Variants in HBS1L observed in about 807,000 individuals in gnomAD.
The protein encoded by HBS1L is HBS1 like translational GTPase, also known as HBS1-like protein.
In HBS1L, 55 loss-of-function variants were observed where a neutral mutation model predicts 88.9. That is an observed-to-expected ratio of 0.62 (90% CI 0.50 to 0.77). The LOEUF is 0.77. Ranked by LOEUF, HBS1L falls within the 30% of genes least tolerant of loss-of-function variation. HBS1L has a pLI of 0.00. For missense variants in HBS1L, 741 were observed against 829.3 expected (o/e 0.89, Z 1.31); for synonymous variants, 267 against 288.5 (o/e 0.93, Z 0.76).
Position 134,993,804 on chromosome 6 carries a change from G to T in HBS1L, c.1037C>A (p.Pro346Gln). Residue 346 changes from proline (P) to glutamine (Q), a missense_variant, in exon 8 of 18, where the codon CCA (proline) becomes CAA (glutamine). Pro to Gln is a moderately conservative substitution (Grantham distance 76, BLOSUM62 -1). This residue lies in a region of HBS1L where 556 missense variants were observed against 598.4 expected (regional missense o/e 0.93). Transcript: ENST00000367837. ...ATTTGGAATGAAGTCCTTATGGCCT[G>T]GAGCATCCATTAATGTAATAACTTT... ...TTKVITLMDA[P>Q]GHKDFIPNMI... 6.2e-7 allele frequency: 1 copy of T among 1,605,950 alleles called. No individual in the cohort carries two copies. The highest frequency in any genetic ancestry group is 8.5e-7 in the Non-Finnish European group (1 of 1,174,626).
chr6:135,052,584 A>G (rs1583167752), intron 1 of HBS1L, among the ~76,000 whole-genome samples: 1 of 31,726 alleles, frequency 3.2e-5, no homozygotes, highest in Non-Finnish European at 6.2e-5. Flanking sequence ...CCTGTCTCTT[A>G]AAAAAAAAAA....
chr6:134,975,752 C>T (rs776084449), intron 15 of HBS1L, among the ~76,000 whole-genome samples: 3 of 152,076 alleles, frequency 2.0e-5, no homozygotes, highest in Non-Finnish European at 2.9e-5. Flanking sequence ...TCTCTCACTA[C>T]ATGCAAGAGT....
At chr6:134,965,484 G>A (rs915922150) in intron 17 of HBS1L, among the ~76,000 whole-genome samples, 194 bp from the exon 18 acceptor site, 4 of 152,116 alleles carry the variant, frequency 2.6e-5, no homozygotes, top group African/African-American at 4.8e-5. Context: ...CTCCACAAAT[G>A]ACTCTATCTT....
intron 4 of HBS1L, among the ~76,000 whole-genome samples, chr6:135,014,389 C>A (rs1304813936): frequency 6.6e-6 from 1 of 152,074 alleles, no homozygotes; most frequent in African/African-American, 2.4e-5. Context: ...ATGTTCTTGG[C>A]ACTGAGGACA....
chr6:135,038,123 AT>A, intron 4 of HBS1L: 1 of 872,762 alleles, frequency 1.1e-6, no homozygotes, highest in Admixed American at 3.3e-5. Context: ...GAGGCATTTA[AT>A]TACTAAATGC....
intron 7 of HBS1L, among the ~76,000 whole-genome samples, chr6:134,994,481 A>G (rs908798522): frequency 6.6e-6 from 1 of 152,106 alleles, no homozygotes; most frequent in African/African-American, 2.4e-5. Flanking sequence ...GTAGATTCAG[A>G]TTAGTGAAAT....
chr6:135,037,154 G>C (rs960350334), intron 4 of HBS1L: 2 of 1,551,740 alleles, frequency 1.3e-6, no homozygotes, highest in Non-Finnish European at 1.7e-6. Context: ...AATGACGACA[G>C]AGATCCTGTT....
chr6:134,966,298 A>C (rs758800476), intron 17 of HBS1L, 31 bp downstream of exon 17: 4 of 1,581,912 alleles, frequency 2.5e-6, no homozygotes, highest in Non-Finnish European at 3.4e-6. Flanking sequence ...ATAACTATGG[A>C]TATATAATGA....
At position 134,964,956 on chromosome 6, in the gene HBS1L, A is replaced by C. The variant is rs1774268113; in HGVS notation, c.*323T>G. The C allele has an allele frequency of 2.8e-6, 1 of 360,810 alleles. No homozygotes were observed. The highest frequency in any genetic ancestry group is 5.0e-6 in the Non-Finnish European group (1 of 198,164). 22.4% of individuals were successfully genotyped at this position (360,810 alleles called of 1,614,324 possible). A position where few individuals can be genotyped will look rare whatever the true frequency, so the allele number is the denominator to read the frequency against. Reference sequence around the variant, plus strand: ...TGCAAATACATTGTGCTTTGGCCAGAAGTAGAGTTCATTTCATGATGATTC... The same window carrying C: ...TGCAAATACATTGTGCTTTGGCCAGCAGTAGAGTTCATTTCATGATGATTC... On this transcript the variant is annotated 3_prime_UTR_variant, in exon 18 of 18. Transcript: ENST00000367837.
chr6:135,040,893 C>T (rs766385066), intron 3 of HBS1L, among the ~76,000 whole-genome samples: 115 of 152,026 alleles, frequency 7.6e-4, no homozygotes, highest in Non-Finnish European at 1.4e-3. Context: ...TAGCACTTGA[C>T]AATTTTCACA....
chr6:134,975,541 A>G (rs1386996316), intron 15 of HBS1L, among the ~76,000 whole-genome samples: 1 of 152,206 alleles, frequency 6.6e-6, no homozygotes, highest in African/African-American at 2.4e-5. Flanking sequence ...ACAGCATGGT[A>G]CTAGTATAAA....
At chr6:134,966,645 T>C (rs1180311809) in intron 16 of HBS1L, among the ~76,000 whole-genome samples, 172 bp from the exon 17 acceptor site, 1 of 147,466 alleles carries the variant, frequency 6.8e-6, no homozygotes, top group African/African-American at 2.7e-5. Context: ...TCTGCTTTAG[T>C]TGAAAGAAAT....
intron 4 of HBS1L, among the ~76,000 whole-genome samples, chr6:135,033,077 T>C (rs1026415824): frequency 2.0e-5 from 3 of 152,112 alleles, no homozygotes; most frequent in Non-Finnish European, 2.9e-5. Context: ...ATGAACAACA[T>C]CAGATCTTTT....
chr6:135,038,789 C>T (rs917699066), intron 4 of HBS1L, among the ~76,000 whole-genome samples: 2 of 151,896 alleles, frequency 1.3e-5, no homozygotes, highest in African/African-American at 4.8e-5. Context: ...CTATAAAATG[C>T]AAAGTAGTAT....
intron 16 of HBS1L, among the ~76,000 whole-genome samples, chr6:134,968,026 G>A (rs1048142291): frequency 5.3e-5 from 8 of 152,102 alleles, no homozygotes; most frequent in Non-Finnish European, 1.2e-4. Context: ...ACAGGCAAGG[G>A]TTTAGAGCAA....
At chr6:135,029,366 TACATACACATACACACACACATAC>T (rs1776324051) in intron 4 of HBS1L, among the ~76,000 whole-genome samples, 1 of 151,612 alleles carries the variant, frequency 6.6e-6, no homozygotes, top group Non-Finnish European at 1.5e-5. Context: ...TCCACACATA[TACATACACATACACACACACATAC>T]ACAGACACAT....
At chr6:135,010,280 C>G (rs1338631408) in intron 4 of HBS1L, among the ~76,000 whole-genome samples, 4 of 152,012 alleles carry the variant, frequency 2.6e-5, no homozygotes, top group Non-Finnish European at 5.9e-5. Context: ...CTGAGTTTAC[C>G]CCATCTGAAA....
At chr6:135,006,504 G>A (rs1775616468) in intron 4 of HBS1L, among the ~76,000 whole-genome samples, 2 of 152,044 alleles carry the variant, frequency 1.3e-5, no homozygotes, top group African/African-American at 4.8e-5. Context: ...CAGCAGTAAA[G>A]ACTGACAGAA....
Position 134,978,200 on chromosome 6 carries a change from T to C in HBS1L, c.1797+479A>G, listed in dbSNP as rs558652887. 8.7e-4 allele frequency among the ~76,000 whole-genome samples: 132 copies of C among 152,202 alleles called. 1 individual carries two copies. Among genetic ancestry groups the C allele is most frequent in the Middle Eastern group, 3.4e-3 (1 of 294 alleles). On this transcript the variant is annotated intron_variant, in intron 15 of 17. Transcript: ENST00000367837. ...CATGTAAAGATATATATCTATGGAT[T>C]ATGCAAGTATATGGCATTTTTATTT...
Sources: allele counts gnomAD v4.1 joint callset (sites outside exome capture counted in the v4.1 genomes callset), GRCh38; gene constraint gnomAD v4.1.1; regional missense constraint gnomAD v4.1.1; transcripts MANE v1.5; gene names NCBI Gene and HGNC (gene_info 2026-07-23, HGNC 2026-07-21).